Variants in UNC13C observed in about 807,000 individuals in gnomAD.
The protein encoded by UNC13C is unc-13 homolog C.
UNC13C carries 174 observed loss-of-function variants against 245.4 expected under a neutral mutation model. The ratio of observed to expected loss-of-function variants is 0.71; its 90% CI spans 0.63 to 0.80. The LOEUF (loss-of-function observed/expected upper bound fraction) is 0.80. UNC13C is among the 30% of genes least tolerant of loss of function. The probability of loss-of-function intolerance (pLI) is 0.00; values close to 1 mark genes in which losing one functional copy is unlikely to be tolerated. For missense variants in UNC13C, 2,829 were observed against 2,602.9 expected (o/e 1.09, Z -1.89); for synonymous variants, 992 against 895.1 (o/e 1.11, Z -1.93).
chr15:54,204,630 G>T (rs1366274492), intron 4 of UNC13C, among the ~76,000 whole-genome samples: 1 of 151,880 alleles, frequency 6.6e-6, no homozygotes, highest in East Asian at 1.9e-4. Flanking sequence ...AAACTTTTCT[G>T]CAAAACAAAG....
rs563911005 is a variant in UNC13C, at chr15:54,068,411, G to A, written c.2983+52525G>A. On this transcript the variant is annotated intron_variant, in intron 2 of 32. Coordinates refer to ENST00000260323, the MANE Select transcript of UNC13C (RefSeq NM_001080534.3). ...CCACTCCACCACACTGGGTCTGGGG[G>A]CTAAATCCAAGCAGCCACCTGCTTT... Among the ~76,000 whole-genome samples, 3 of 152,210 alleles carry A rather than the reference G, an allele frequency of 2.0e-5. No homozygotes were observed. The South Asian group carries it at 6.2e-4, about 32-fold the overall frequency.
chr15:54,341,482 C>T (rs926972721), intron 17 of UNC13C, among the ~76,000 whole-genome samples: 8 of 152,056 alleles, frequency 5.3e-5, no homozygotes, highest in African/African-American at 1.7e-4. Flanking sequence ...ATGTTCAGTA[C>T]CTGGGTAAGG....
intron 4 of UNC13C, among the ~76,000 whole-genome samples, chr15:54,209,547 G>A (rs1372808560): frequency 6.6e-6 from 1 of 151,948 alleles, no homozygotes; most frequent in East Asian, 1.9e-4. Context: ...TGAATAGCTG[G>A]ACTACAGGCA....
At position 54,596,227 on chromosome 15, in the gene UNC13C, C is replaced by T. The variant is rs191635192; in HGVS notation, c.6107-26100C>T. Among the ~76,000 whole-genome samples the T allele has an allele frequency of 1.2e-4, 19 of 152,196 alleles. No homozygotes were observed. The East Asian group carries it at 1.7e-3, about 14-fold the overall frequency. On this transcript the variant is annotated intron_variant, in intron 30 of 32. Transcript: ENST00000260323. ...GTATTTTTTTCATGGCATATAAATA[C>T]GCTTATCCCAACTGTGGGTGTTTTT...
chr15:54,533,718 G>A, intron 26 of UNC13C, among the ~76,000 whole-genome samples: 1 of 151,336 alleles, frequency 6.6e-6, no homozygotes, highest in African/African-American at 2.5e-5. Flanking sequence ...TGGTTGCTCT[G>A]TTTGTTTTTA....
chr15:54,016,045 T>C (rs1456265121), intron 2 of UNC13C, among the ~76,000 whole-genome samples, 159 bp downstream of exon 2: 6 of 152,220 alleles, frequency 3.9e-5, no homozygotes, highest in African/African-American at 7.2e-5. Flanking sequence ...CAGGCAGCTC[T>C]CCTAAGAAGT....
intron 18 of UNC13C, among the ~76,000 whole-genome samples, chr15:54,395,558 T>C (rs913639661): frequency 6.6e-6 from 1 of 151,892 alleles, no homozygotes; most frequent in Non-Finnish European, 1.5e-5. Flanking sequence ...CAGATCAATA[T>C]GTGAAGGACA....
At chr15:54,577,262 C>T (rs1270708462) in intron 30 of UNC13C, among the ~76,000 whole-genome samples, 1 of 152,068 alleles carries the variant, frequency 6.6e-6, no homozygotes, top group African/African-American at 2.4e-5. Context: ...ACATGAAACT[C>T]AAAAACCGAC....
At chr15:54,051,255 T>G (rs1305944233) in intron 2 of UNC13C, among the ~76,000 whole-genome samples, 1 of 152,176 alleles carries the variant, frequency 6.6e-6, no homozygotes, top group Non-Finnish European at 1.5e-5. Flanking sequence ...GTATTTCATT[T>G]GTATTCTTGA....
chr15:54,324,416 A>G (rs2038241266), intron 14 of UNC13C, among the ~76,000 whole-genome samples: 2 of 152,066 alleles, frequency 1.3e-5, no homozygotes, highest in Admixed American at 6.6e-5. Flanking sequence ...AGAAAAGAAA[A>G]CCATTTTACA....
At chr15:54,362,235 G>C (rs973405400) in intron 17 of UNC13C, among the ~76,000 whole-genome samples, 1 of 152,182 alleles carries the variant, frequency 6.6e-6, no homozygotes, top group Non-Finnish European at 1.5e-5. Flanking sequence ...GGATGGAACT[G>C]GAGTTGGCTT....
intron 17 of UNC13C, among the ~76,000 whole-genome samples, chr15:54,362,346 G>T (rs1283551369): frequency 5.3e-5 from 8 of 152,142 alleles, no homozygotes; most frequent in Non-Finnish European, 1.5e-5. Flanking sequence ...TTTGCAAATG[G>T]TGTTATGCCA....
At chr15:54,238,843 T>G (rs1051003186) in intron 7 of UNC13C, among the ~76,000 whole-genome samples, 1 of 152,162 alleles carries the variant, frequency 6.6e-6, no homozygotes, top group Non-Finnish European at 1.5e-5. Context: ...ATTATTTAGG[T>G]CAGGGATTCT....
rs1180848816 is a variant in UNC13C at position 54,627,120 on chromosome 15, C to CACTGCAAGCTAAA, written c.*8_*20dup. 1 of 1,602,660 alleles carries CACTGCAAGCTAAA rather than the reference C, an allele frequency of 6.2e-7. No homozygotes were observed. Among genetic ancestry groups the CACTGCAAGCTAAA allele is most frequent in the Admixed American group, 1.7e-5 (1 of 58,988 alleles). On this transcript the variant is annotated 3_prime_UTR_variant, in exon 33 of 33. Transcript: ENST00000260323. Reference sequence around the variant, plus strand: ...TACTGAAGAGAGTGCTTGAAACAAACACTGCAAGCTAAATACATAACTATA... The same window carrying CACTGCAAGCTAAA: ...TACTGAAGAGAGTGCTTGAAACAAACACTGCAAGCTAAAACTGCAAGCTAAATACATAACTATA...
chr15:53,875,291 T>A, the UNC13C span, among the ~76,000 whole-genome samples: 1 of 152,190 alleles, frequency 6.6e-6, no homozygotes, highest in Non-Finnish European at 1.5e-5. Flanking sequence ...TATGCCATCC[T>A]GGGGTGCAGT....
intron 4 of UNC13C, among the ~76,000 whole-genome samples, chr15:54,210,122 T>A (rs1309591981): frequency 6.6e-6 from 1 of 151,338 alleles, no homozygotes; most frequent in Non-Finnish European, 1.5e-5. Context: ...TCATGAAGAA[T>A]CTCGTATGCT....
intron 7 of UNC13C, among the ~76,000 whole-genome samples, chr15:54,242,877 T>C (rs995696561): frequency 2.0e-5 from 3 of 152,204 alleles, no homozygotes; most frequent in Non-Finnish European, 1.5e-5. Context: ...CTGACTTTGA[T>C]TGGTTACATA....
At chr15:54,623,731 T>C (rs1900949494) in intron 31 of UNC13C, 64 bp from the exon 32 acceptor site, 6 of 1,497,276 alleles carry the variant, frequency 4.0e-6, no homozygotes, top group South Asian at 1.2e-5. Flanking sequence ...TAAATCACTT[T>C]TAAAATTTCA....
At chr15:54,508,326 C>T (rs567777814) in intron 23 of UNC13C, among the ~76,000 whole-genome samples, 1 of 152,102 alleles carries the variant, frequency 6.6e-6, no homozygotes, top group South Asian at 2.1e-4. Flanking sequence ...ACCATGAGCT[C>T]CTAAGGCTAA....
Sources: allele counts gnomAD v4.1 joint callset (sites outside exome capture counted in the v4.1 genomes callset), GRCh38; gene constraint gnomAD v4.1.1; transcripts MANE v1.5; gene names NCBI Gene and HGNC (gene_info 2026-07-23, HGNC 2026-07-21).